VPS37B: variants seen among roughly 807,000 people sequenced by gnomAD.
The protein encoded by VPS37B is vacuolar protein sorting-associated protein 37B.
In VPS37B, 11 loss-of-function variants were observed where a neutral mutation model predicts 21.2. The ratio of observed to expected loss-of-function variants is 0.52; its 90% confidence interval spans 0.33 to 0.86. The LOEUF (loss-of-function observed/expected upper bound fraction) is 0.86. Among genes scored for constraint, VPS37B ranks in the 40% least tolerant of loss-of-function variants. VPS37B has a pLI of 0.03. For synonymous variants in VPS37B, 175 were observed against 159.6 expected, an observed-to-expected ratio of 1.10 and a Z score of -0.73; for missense variants, 389 against 374.8, an observed-to-expected ratio of 1.04 and a Z score of -0.31.
intron 1 of VPS37B, chr12:122,885,320 G>T (rs984181983): frequency 5.9e-5 from 9 of 151,650 alleles, no homozygotes; most frequent in Non-Finnish European, 1.0e-4. Context: ...TTTCAAAGAT[G>T]TTAACTGCAT....
At position 122,866,755 on chromosome 12, in the gene VPS37B, G is replaced by A. The variant is rs1426776027; in HGVS notation, c.*361C>T. The A allele has an allele frequency of 1.4e-5, 3 of 214,988 alleles. No individual in the cohort carries two copies. The highest frequency in any genetic ancestry group is 6.9e-5 in the African/African-American group (3 of 43,664). The allele number at this position is 214,988 out of a possible 1,614,324, so 13.3% of individuals were successfully genotyped here. On this transcript the variant is annotated 3_prime_UTR_variant, in exon 4 of 4. Transcript: ENST00000267202. ...CTTTCGAAAATAAAATAAGTATCAT[G>A]AACCATGCTCATTAAATAAAGCTGC...
chr12:122,872,254 A>C, intron 1 of VPS37B: 4 of 985,506 alleles, frequency 4.1e-6, no homozygotes, highest in Non-Finnish European at 4.8e-6. Flanking sequence ...GAATCAGAGA[A>C]CAAAGAAAGA....
At chr12:122,880,552 C>T (rs1395172853) in intron 1 of VPS37B, 1 of 152,020 alleles carries the variant, frequency 6.6e-6, no homozygotes, top group Non-Finnish European at 1.5e-5. Flanking sequence ...AATTTACACA[C>T]CGGTGCAGTA....
At chr12:122,871,965 C>A (rs2034046413) in intron 1 of VPS37B, 17 of 985,518 alleles carry the variant, frequency 1.7e-5, no homozygotes, top group Non-Finnish European at 2.0e-5. Context: ...CCGTCAGTTT[C>A]AACAGCATGC....
At chr12:122,881,282 G>A (rs2034243097) in intron 1 of VPS37B, 1 of 152,236 alleles carries the variant, frequency 6.6e-6, no homozygotes, top group African/African-American at 2.4e-5. Flanking sequence ...TAAACGAGCT[G>A]TCAAAGTTAC....
intron 1 of VPS37B, among the ~76,000 whole-genome samples, chr12:122,895,309 T>G (rs1353100039): frequency 2.4e-4 from 36 of 151,844 alleles, no homozygotes. Context: ...AGAGTCCTAT[T>G]TGGATAGTCC....
chr12:122,896,063 C>G lies in VPS37B; in HGVS notation c.-1G>C. 1 of 1,577,010 alleles carries G rather than the reference C, an allele frequency of 6.3e-7. No homozygotes were observed. The highest frequency in any genetic ancestry group is 8.6e-7 in the Non-Finnish European group (1 of 1,168,190). ...GGGCTTCGCTCCCGGCGCCCGCCAT[C>G]CCCACGTCTCGGCCGTCGTCGCCAC... is the stretch of plus-strand genomic sequence containing the variant. On this transcript the variant is annotated 5_prime_UTR_variant, in exon 1 of 4. Transcript: ENST00000267202.
intron 1 of VPS37B, among the ~76,000 whole-genome samples, chr12:122,892,789 G>A (rs116301570): frequency 1.5e-4 from 23 of 152,258 alleles, no homozygotes; most frequent in African/African-American, 5.3e-4. Context: ...AGCGGGGTGC[G>A]GTGGCTCACG....
At chr12:122,872,268 C>T (rs1023525388) in intron 1 of VPS37B, 1 of 985,302 alleles carries the variant, frequency 1.0e-6, no homozygotes, top group Non-Finnish European at 1.2e-6. Flanking sequence ...AGAAAGAAGC[C>T]CTTGGATCCA....
At chr12:122,890,696 A>G (rs1015352629) in intron 1 of VPS37B, among the ~76,000 whole-genome samples, 6 of 152,252 alleles carry the variant, frequency 3.9e-5, no homozygotes, top group Middle Eastern at 3.4e-3. Flanking sequence ...CATCGTAATC[A>G]TTTCTAAGAG....
chr12:122,870,628 C>A, intron 2 of VPS37B: 1 of 337,164 alleles, frequency 3.0e-6, no homozygotes, highest in Non-Finnish European at 5.5e-6. Flanking sequence ...CCCAGCTACT[C>A]AGGAGGCTGA....
intron 1 of VPS37B, chr12:122,871,614 C>A: frequency 1.0e-6 from 1 of 985,512 alleles, no homozygotes. Flanking sequence ...CACCCCAGCT[C>A]TTCTGAGCCT....
rs2033954615 is a variant in VPS37B at position 122,868,489 on chromosome 12, T to C, written c.357A>G (p.Glu119=). The change falls in exon 3 of 4, where the codon GAA becomes GAG. Residue 119 remains glutamate, a synonymous_variant. Transcript: ENST00000267202. The surrounding 1 kb of genome is among the most constrained non-coding windows in gnomAD (Gnocchi z 5.5). ...GGCTGGTGGGCTTTACCTCAGTGTCTTCCTCAATCTTGGCCCCTTCTGCCT... is the reference window on the plus strand; with the variant it reads ...GGCTGGTGGGCTTTACCTCAGTGTCCTCCTCAATCTTGGCCCCTTCTGCCT... ...LLQAEGAKIE[E]DTENMAEKFL... is the part of the protein sequence containing the mutation. 6.2e-7 allele frequency: 1 copy of C among 1,613,160 alleles called. No homozygotes were observed. The highest frequency in any genetic ancestry group is 8.5e-7 in the Non-Finnish European group (1 of 1,179,830).
At chr12:122,871,903 A>G in intron 1 of VPS37B, 2 of 985,362 alleles carry the variant, frequency 2.0e-6, no homozygotes, top group Non-Finnish European at 2.4e-6. Flanking sequence ...CTCACTGGTG[A>G]TCGGCTTCCT....
chr12:122,892,969 G>C (rs746466824), intron 1 of VPS37B, among the ~76,000 whole-genome samples: 3 of 151,134 alleles, frequency 2.0e-5, no homozygotes, highest in South Asian at 4.2e-4. Flanking sequence ...GCTAAGGCAC[G>C]AGAATCACTT....
intron 1 of VPS37B, chr12:122,883,838 T>C (rs1487850144): frequency 6.6e-6 from 1 of 152,262 alleles, no homozygotes; most frequent in East Asian, 1.9e-4. Flanking sequence ...CTTGGACTTA[T>C]AATGTGGATA....
intron 1 of VPS37B, chr12:122,885,556 A>T (rs2034308547): frequency 6.6e-6 from 1 of 152,142 alleles, no homozygotes; most frequent in African/African-American, 2.4e-5. Context: ...CAAAGGAAAA[A>T]AACTTAAATG....
At chr12:122,872,858 C>T (rs1436330907) in intron 1 of VPS37B, 4 of 263,584 alleles carry the variant, frequency 1.5e-5, no homozygotes, top group Non-Finnish European at 2.4e-5. Flanking sequence ...TTTGTAACAA[C>T]TAAAATCTGG....
At chr12:122,875,956 T>C (rs1325985949) in intron 1 of VPS37B, 1 of 152,196 alleles carries the variant, frequency 6.6e-6, no homozygotes, top group Non-Finnish European at 1.5e-5. Flanking sequence ...ATCATTCTCA[T>C]GATCCTTTTT....
Sources: gnomAD v4.1 joint callset for allele counts (sites outside exome capture counted in the v4.1 genomes callset) on GRCh38, gnomAD v4.1.1 for gene constraint, Gnocchi (gnomAD v3.1) non-coding constraint, MANE v1.5 for transcripts, NCBI Gene and HGNC (gene_info 2026-07-23, HGNC 2026-07-21) for gene names.